The following WDFY3 variants were observed in gnomAD, a reference collection of about 807,000 sequenced individuals.
The protein encoded by WDFY3 is WD repeat and FYVE domain containing 3.
Under a neutral mutation model 409.6 loss-of-function variants are expected in WDFY3, and 66 were observed. That is an observed-to-expected ratio of 0.16 (90% CI 0.13 to 0.20). WDFY3 has a LOEUF of 0.20. Among genes scored for constraint, WDFY3 ranks in the 10% least tolerant of loss-of-function variants. The pLI is 1.00. For synonymous variants in WDFY3, 1,521 were observed against 1,537.1 expected, an observed-to-expected ratio of 0.99 and a Z score of 0.25; for missense variants, 3,031 against 4,298.1, an observed-to-expected ratio of 0.71 and a Z score of 8.24.
chr4:84,890,542 C>G (rs922079836), intron 3 of WDFY3, among the ~76,000 whole-genome samples: 2 of 152,212 alleles, frequency 1.3e-5, no homozygotes, highest in African/African-American at 4.8e-5. Context: ...CATGTCACAT[C>G]TATTTGCCTG....
intron 53 of WDFY3, among the ~76,000 whole-genome samples, chr4:84,706,054 A>T (rs376053771): frequency 6.6e-6 from 1 of 152,268 alleles, no homozygotes; most frequent in East Asian, 1.9e-4. Flanking sequence ...ACATCACACC[A>T]GATCAAGTAA....
At chr4:84,758,399 C>G (rs1741829315) in intron 32 of WDFY3, among the ~76,000 whole-genome samples, 1 of 152,108 alleles carries the variant, frequency 6.6e-6, no homozygotes, top group Admixed American at 6.5e-5. Flanking sequence ...GCACATGCAA[C>G]CATGCCTGGC....
chr4:84,947,463 G>A (rs1055707016), intron 1 of WDFY3, among the ~76,000 whole-genome samples: 4 of 150,402 alleles, frequency 2.7e-5, no homozygotes, highest in African/African-American at 9.8e-5. Context: ...AGTGAGCCAA[G>A]ATTGTGCCAC....
chr4:84,720,839 C>A (rs577899811), intron 47 of WDFY3, among the ~76,000 whole-genome samples: 37 of 151,330 alleles, frequency 2.4e-4, no homozygotes, highest in Non-Finnish European at 1.2e-4. Context: ...AAAAAAAACA[C>A]AACATGGTGG....
chr4:84,818,117 G>A (rs1293926291), intron 12 of WDFY3, among the ~76,000 whole-genome samples: 1 of 152,128 alleles, frequency 6.6e-6, no homozygotes, highest in Non-Finnish European at 1.5e-5. Flanking sequence ...CTGCTCCAAA[G>A]CCTTTACACA....
intron 3 of WDFY3, among the ~76,000 whole-genome samples, chr4:84,885,942 A>C (rs1318661242): frequency 4.6e-5 from 7 of 152,212 alleles, no homozygotes; most frequent in African/African-American, 7.2e-5. Context: ...ATCACTGAGC[A>C]AAAGAACAGG....
chr4:84,801,950 A>ATT (rs202037676), intron 16 of WDFY3, 86 bp from the exon 17 acceptor site: 1,301 of 1,065,058 alleles, frequency 1.2e-3, no homozygotes, highest in Non-Finnish European at 1.4e-3. Context: ...TACCTTTTTA[A>ATT]TTTTTTTTTT....
intron 42 of WDFY3, among the ~76,000 whole-genome samples, 194 bp from the exon 43 acceptor site, chr4:84,735,314 C>A (rs1737254352): frequency 6.6e-6 from 1 of 152,204 alleles, no homozygotes; most frequent in South Asian, 2.1e-4. Context: ...CTCCCACCCC[C>A]AAAGCCCCTT....
rs138342887 is a variant in WDFY3, at chr4:84,769,428, T to A, written c.4850-3056A>T. 9.3e-3 allele frequency among the ~76,000 whole-genome samples: 1,413 copies of A among 152,206 alleles called. 18 individuals carry two copies. Among genetic ancestry groups the A allele is most frequent in the African/African-American group, 0.032 (1,312 of 41,520 alleles). ...TGCTTTTATTATTATTATTATTATT[T>A]TTTTGAGACGAAGTCTCACTCTGTC... On this transcript the variant is annotated intron_variant, in intron 30 of 67. Transcript: ENST00000295888.
At chr4:84,868,670 T>A (rs1171059063) in intron 3 of WDFY3, among the ~76,000 whole-genome samples, 1 of 152,192 alleles carries the variant, frequency 6.6e-6, no homozygotes, top group Non-Finnish European at 1.5e-5. Flanking sequence ...CATTTAAGAA[T>A]ATTTCACTTA....
chr4:84,953,963 C>T (rs549824223), intron 1 of WDFY3, among the ~76,000 whole-genome samples: 1 of 152,246 alleles, frequency 6.6e-6, no homozygotes, highest in African/African-American at 2.4e-5. Context: ...CTGCACCTCT[C>T]AGACTCATCA....
At chr4:84,915,360 G>A (rs1471432875) in intron 2 of WDFY3, among the ~76,000 whole-genome samples, 2 of 152,070 alleles carry the variant, frequency 1.3e-5, no homozygotes, top group Non-Finnish European at 2.9e-5. Context: ...TTTTAAAAAG[G>A]CATTTAAGAT....
chr4:84,855,292 C>T (rs986570244), intron 4 of WDFY3, among the ~76,000 whole-genome samples: 7 of 152,178 alleles, frequency 4.6e-5, no homozygotes, highest in African/African-American at 1.7e-4. Context: ...CCAAGCCAGG[C>T]TCTTCATCAC....
intron 2 of WDFY3, among the ~76,000 whole-genome samples, chr4:84,900,952 T>C (rs1464852883): frequency 6.6e-6 from 1 of 152,248 alleles, no homozygotes; most frequent in Non-Finnish European, 1.5e-5. Flanking sequence ...TATTTCCTCA[T>C]GGATCTGTAG....
At chr4:84,694,380 C>T (rs181081712) in intron 58 of WDFY3, among the ~76,000 whole-genome samples, 65 of 152,286 alleles carry the variant, frequency 4.3e-4, no homozygotes, top group Non-Finnish European at 6.3e-4. Flanking sequence ...CCCTCTATTA[C>T]TCAATGTGTG....
intron 9 of WDFY3, among the ~76,000 whole-genome samples, chr4:84,827,289 T>C (rs529026172): frequency 6.6e-6 from 1 of 152,314 alleles, no homozygotes; most frequent in African/African-American, 2.4e-5. Context: ...AGAAAAAGTA[T>C]GATTAGCCTC....
At chr4:84,911,324 C>T (rs1168513042) in intron 2 of WDFY3, among the ~76,000 whole-genome samples, 3 of 151,958 alleles carry the variant, frequency 2.0e-5, no homozygotes, top group African/African-American at 4.8e-5. Flanking sequence ...CCTGCCTCTA[C>T]AAAAAATTAA....
chr4:84,747,120 G>T (rs893981648), intron 36 of WDFY3, among the ~76,000 whole-genome samples: 2 of 152,136 alleles, frequency 1.3e-5, no homozygotes, highest in African/African-American at 4.8e-5. Flanking sequence ...CTGGTGGTCA[G>T]ATCTGTTTTC....
chr4:84,720,679 C>G (rs548004976), intron 47 of WDFY3, among the ~76,000 whole-genome samples: 1 of 152,326 alleles, frequency 6.6e-6, no homozygotes, highest in East Asian at 1.9e-4. Context: ...AAGGCCTCAT[C>G]AGAAGCCGAG....
Sources: allele counts gnomAD v4.1 joint callset (sites outside exome capture counted in the v4.1 genomes callset), GRCh38; gene constraint gnomAD v4.1.1; transcripts MANE v1.5; gene names NCBI Gene and HGNC (gene_info 2026-07-23, HGNC 2026-07-21).